Variants in SORCS2 observed in about 807,000 individuals in gnomAD.
SORCS2 encodes the protein sortilin related VPS10 domain containing receptor 2.
SORCS2 carries 100 observed loss-of-function variants against 141.6 expected under a neutral mutation model. The ratio of observed to expected loss-of-function variants is 0.71; its 90% CI spans 0.60 to 0.83. The LOEUF (loss-of-function observed/expected upper bound fraction) is 0.83. SORCS2 is among the 40% of genes least tolerant of loss of function. The probability of loss-of-function intolerance (pLI) is 0.00; values close to 1 mark genes in which losing one functional copy is unlikely to be tolerated. For missense variants in SORCS2, 1,646 were observed against 1,560.2 expected (o/e 1.05, Z -0.93); for synonymous variants, 789 against 676.9 (o/e 1.17, Z -2.57).
At chr4:7,715,142 A>T in intron 16 of SORCS2, 41 bp from the exon 17 acceptor site, 1 of 1,607,240 alleles carries the variant, frequency 6.2e-7, no homozygotes, top group Non-Finnish European at 8.5e-7. Flanking sequence ...TCCGGTTCCC[A>T]CCTGTGCCCG....
At chr4:7,262,718 T>TG (rs1274000565) in intron 1 of SORCS2, among the ~76,000 whole-genome samples, 1 of 152,122 alleles carries the variant, frequency 6.6e-6, no homozygotes, top group African/African-American at 2.4e-5. Context: ...AGGGTTCCCA[T>TG]GGGGAACACT....
intron 5 of SORCS2, among the ~76,000 whole-genome samples, chr4:7,655,488 G>T (rs1721705858): frequency 6.6e-6 from 1 of 152,232 alleles, no homozygotes; most frequent in Non-Finnish European, 1.5e-5. Context: ...GTGGGCAAGG[G>T]CCCTTCGTAA....
intron 3 of SORCS2, among the ~76,000 whole-genome samples, chr4:7,546,558 C>G (rs1713278875): frequency 1.3e-5 from 2 of 152,200 alleles, no homozygotes; most frequent in African/African-American, 4.8e-5. Flanking sequence ...GGTTCATTCT[C>G]TTGTTCCTGA....
chr4:7,591,785 CG>C (rs768417299), intron 3 of SORCS2, among the ~76,000 whole-genome samples: 166 of 152,290 alleles, frequency 1.1e-3, no homozygotes, highest in Middle Eastern at 0.01. Flanking sequence ...CCTCTGACCC[CG>C]GCGGGCCTGT....
intron 2 of SORCS2, among the ~76,000 whole-genome samples, chr4:7,488,670 G>C (rs1369206854): frequency 6.6e-6 from 1 of 152,224 alleles, no homozygotes; most frequent in Non-Finnish European, 1.5e-5. Flanking sequence ...GGGGATCCAT[G>C]AGGTGGAGGG....
intron 3 of SORCS2, among the ~76,000 whole-genome samples, chr4:7,601,237 A>G (rs750116787): frequency 6.6e-6 from 1 of 152,166 alleles, no homozygotes; most frequent in Non-Finnish European, 1.5e-5. Context: ...ACTCCAAAAA[A>G]CCAGCTTTGA....
chr4:7,654,068 C>G (rs1721601382), intron 4 of SORCS2, 66 bp from the exon 5 acceptor site: 2 of 1,396,574 alleles, frequency 1.4e-6, no homozygotes, highest in African/African-American at 2.8e-5. Context: ...AGACATCACC[C>G]TCTCTCAGAA....
chr4:7,198,321 C>T (rs552318583), intron 1 of SORCS2, among the ~76,000 whole-genome samples: 5 of 152,182 alleles, frequency 3.3e-5, no homozygotes, highest in Admixed American at 2.0e-4. Flanking sequence ...TTCAAATCCA[C>T]GACAAAGCTG....
At chr4:7,290,522 C>T (rs903505603) in intron 1 of SORCS2, among the ~76,000 whole-genome samples, 1 of 152,138 alleles carries the variant, frequency 6.6e-6, no homozygotes, top group Admixed American at 6.5e-5. Flanking sequence ...TTCATTTCTC[C>T]AGGTCTTTAT....
chr4:7,736,271 G>A (rs1712160407), intron 25 of SORCS2, among the ~76,000 whole-genome samples: 1 of 152,260 alleles, frequency 6.6e-6, no homozygotes, highest in Non-Finnish European at 1.5e-5. Context: ...CAGCAGCGCT[G>A]CTTTGAGCAT....
At chr4:7,292,271 C>T (rs1318000079) in intron 1 of SORCS2, among the ~76,000 whole-genome samples, 3 of 151,032 alleles carry the variant, frequency 2.0e-5, no homozygotes, top group Non-Finnish European at 4.4e-5. Flanking sequence ...GTCCGTTCAC[C>T]AAGGAGGCTC....
chr4:7,621,463 TTATG>T (rs778292013), intron 3 of SORCS2, among the ~76,000 whole-genome samples: 17 of 149,330 alleles, frequency 1.1e-4, no homozygotes, highest in South Asian at 2.1e-4. Context: ...GTGTGAGTGT[TTATG>T]TGTGTGTCTG....
chr4:7,655,614 G>A (rs997027481), intron 5 of SORCS2, among the ~76,000 whole-genome samples: 5 of 152,240 alleles, frequency 3.3e-5, no homozygotes, highest in Non-Finnish European at 5.9e-5. Context: ...ATGGGGAGAG[G>A]CGACGGCCGT....
At chr4:7,312,038 G>A (rs1341525690) in intron 1 of SORCS2, among the ~76,000 whole-genome samples, 1 of 152,058 alleles carries the variant, frequency 6.6e-6, no homozygotes, top group East Asian at 1.9e-4. Context: ...ACCACAGCCA[G>A]CTAATGTTTT....
chr4:7,393,349 C>A (rs1723985721), intron 1 of SORCS2, among the ~76,000 whole-genome samples: 1 of 152,136 alleles, frequency 6.6e-6, no homozygotes, highest in Admixed American at 6.5e-5. Context: ...ACACGTCAGC[C>A]ACTGAAAAAA....
intron 1 of SORCS2, among the ~76,000 whole-genome samples, chr4:7,355,799 C>T (rs1021377558): frequency 6.6e-6 from 1 of 152,226 alleles, no homozygotes; most frequent in Admixed American, 6.5e-5. Flanking sequence ...CTCTGTGGAA[C>T]GCACAGGATT....
chr4:7,581,841 T>G (rs1716178746), intron 3 of SORCS2, among the ~76,000 whole-genome samples: 1 of 152,210 alleles, frequency 6.6e-6, no homozygotes, highest in Non-Finnish European at 1.5e-5. Flanking sequence ...AACTAAAATA[T>G]CAAAAAGCAG....
intron 3 of SORCS2, among the ~76,000 whole-genome samples, chr4:7,635,762 C>T (rs980907877): frequency 1.3e-5 from 2 of 152,192 alleles, no homozygotes; most frequent in African/African-American, 4.8e-5. Context: ...GCTCTGAGCA[C>T]ACACCTTCGT....
chr4:7,421,916 CG>C (rs1726096101), intron 2 of SORCS2, among the ~76,000 whole-genome samples: 1 of 143,344 alleles, frequency 7.0e-6, no homozygotes, highest in Admixed American at 6.9e-5. Context: ...GGGGCTGGGG[CG>C]GGGCTGGGCA....
Sources: allele counts gnomAD v4.1 joint callset (sites outside exome capture counted in the v4.1 genomes callset), GRCh38; gene constraint gnomAD v4.1.1; transcripts MANE v1.5; gene names NCBI Gene and HGNC (gene_info 2026-07-23, HGNC 2026-07-21).